The following DEFB1 variants were observed in gnomAD, a reference collection of about 807,000 sequenced individuals.
DEFB1 encodes the protein defensin beta 1.
In DEFB1, 4 loss-of-function variants were observed where a neutral mutation model predicts 2.6. The observed-to-expected ratio is 1.53, with a 90% CI of 0.76 to 3.51. The LOEUF (loss-of-function observed/expected upper bound fraction) is 3.51. Among genes scored for constraint, DEFB1 ranks in the 30% most tolerant of loss-of-function variants. The pLI is 0.01. For synonymous variants in DEFB1, 56 were observed against 28.5 expected (o/e 1.96, Z -3.07); for missense variants, 162 against 76.9 (o/e 2.11, Z -4.14).
chr8:6,873,198 A>G (rs1232100428), intron 1 of DEFB1, among the ~76,000 whole-genome samples: 1 of 152,232 alleles, frequency 6.6e-6, no homozygotes, highest in East Asian at 1.9e-4. Context: ...AACAAGGTCC[A>G]GTGATGTCCC....
At chr8:6,872,783 A>G (rs1212253964) in intron 1 of DEFB1, among the ~76,000 whole-genome samples, 2 of 152,160 alleles carry the variant, frequency 1.3e-5, no homozygotes, top group Non-Finnish European at 2.9e-5. Context: ...CTATGTTTTA[A>G]TAATCTCGCC....
chr8:6,874,664 A>G (rs5743462), intron 1 of DEFB1, among the ~76,000 whole-genome samples: 126,526 of 152,050 alleles, frequency 0.83, 52,952 homozygotes, highest in African/African-American at 0.92. Flanking sequence ...TCAGCAGAAC[A>G]GTGGGGAAAA....
At chr8:6,871,100 T>G (rs1184633687) in intron 1 of DEFB1, among the ~76,000 whole-genome samples, 2 of 152,222 alleles carry the variant, frequency 1.3e-5, no homozygotes, top group Non-Finnish European at 2.9e-5. Context: ...ATTTTAAATG[T>G]GCAGGGAATT....
At chr8:6,870,934 C>G (rs1433272062) in intron 1 of DEFB1, 108 bp from the exon 2 acceptor site, 11 of 1,254,684 alleles carry the variant, frequency 8.8e-6, no homozygotes, top group Non-Finnish European at 1.2e-5. Flanking sequence ...GGAGAGTCTT[C>G]TCTTCCAAGA....
chr8:6,877,315 C>T (rs1443641833), intron 1 of DEFB1, among the ~76,000 whole-genome samples: 4 of 152,226 alleles, frequency 2.6e-5, no homozygotes, highest in Non-Finnish European at 5.9e-5. Flanking sequence ...AGAGGACCGC[C>T]TGCCTGCACA....
At chr8:6,871,228 C>T (rs902782833) in intron 1 of DEFB1, among the ~76,000 whole-genome samples, 2 of 152,240 alleles carry the variant, frequency 1.3e-5, no homozygotes, top group Admixed American at 1.3e-4. Context: ...CACTTCCCTC[C>T]TTCCATGCCT....
chr8:6,870,855 A>T, intron 1 of DEFB1, 29 bp from the exon 2 acceptor site: 2 of 1,582,042 alleles, frequency 1.3e-6, no homozygotes, highest in Non-Finnish European at 1.7e-6. Context: ...AACACTTCAG[A>T]CTCATGGCTT....
chr8:6,870,608 T>C lies in DEFB1; in HGVS notation c.*73A>G. On this transcript the variant is annotated 3_prime_UTR_variant, in exon 2 of 2. Transcript: ENST00000297439. ...CAAAGGAGGTATACTTCAAAAGCAATTTTCCTTTATTAAAAGAATGCTTAT... is the reference window on the plus strand; with the variant it reads ...CAAAGGAGGTATACTTCAAAAGCAACTTTCCTTTATTAAAAGAATGCTTAT... 1 of 1,561,552 alleles carries C rather than the reference T, an allele frequency of 6.4e-7. No homozygotes were observed. Among genetic ancestry groups the C allele is most frequent in the Non-Finnish European group, 8.7e-7 (1 of 1,155,914 alleles).
chr8:6,873,932 A>G (rs1390676725), intron 1 of DEFB1, among the ~76,000 whole-genome samples: 2 of 152,216 alleles, frequency 1.3e-5, no homozygotes. Context: ...GGGCCTTTTA[A>G]AAGCACTTGC....
chr8:6,872,738 C>G (rs1475037445), intron 1 of DEFB1, among the ~76,000 whole-genome samples: 1 of 152,208 alleles, frequency 6.6e-6, no homozygotes, highest in Non-Finnish European at 1.5e-5. Context: ...TTCTTTTTCT[C>G]TGACTGATTC....
chr8:6,875,352 A>G (rs1171083323), intron 1 of DEFB1, among the ~76,000 whole-genome samples: 1 of 152,220 alleles, frequency 6.6e-6, no homozygotes, highest in African/African-American at 2.4e-5. Flanking sequence ...AAAGCAAGAG[A>G]AGATATTTGT....
At chr8:6,872,846 C>T (rs184068389) in intron 1 of DEFB1, among the ~76,000 whole-genome samples, 1 of 152,280 alleles carries the variant, frequency 6.6e-6, no homozygotes, top group East Asian at 1.9e-4. Flanking sequence ...CCAAAGTCTC[C>T]ACTTTCTGCT....
chr8:6,873,485 G>T (rs1324722279), intron 1 of DEFB1, among the ~76,000 whole-genome samples: 1 of 152,172 alleles, frequency 6.6e-6, no homozygotes, highest in Non-Finnish European at 1.5e-5. Context: ...TCTCTAGGCA[G>T]CAGCTTCTCA....
chr8:6,873,478 C>T (rs2978871), intron 1 of DEFB1, among the ~76,000 whole-genome samples: 1 of 152,142 alleles, frequency 6.6e-6, no homozygotes, highest in African/African-American at 2.4e-5. Context: ...CTCAACCTCT[C>T]TAGGCAGCAG....
At chr8:6,876,291 A>G (rs544614028) in intron 1 of DEFB1, among the ~76,000 whole-genome samples, 1 of 152,262 alleles carries the variant, frequency 6.6e-6, no homozygotes, top group Admixed American at 6.5e-5. Context: ...CATGACCAGC[A>G]TGGTGAAACC....
At chr8:6,875,110 C>CACACACA (rs1563397732) in intron 1 of DEFB1, among the ~76,000 whole-genome samples, 87 of 143,328 alleles carry the variant, frequency 6.1e-4, no homozygotes, top group African/African-American at 2.3e-3. Flanking sequence ...ACACACACAC[C>CACACACA]CCATTGCCAG....
At chr8:6,871,402 A>G (rs960314274) in intron 1 of DEFB1, among the ~76,000 whole-genome samples, 1 of 152,052 alleles carries the variant, frequency 6.6e-6, no homozygotes, top group African/African-American at 2.4e-5. Context: ...CCCTTCTCCC[A>G]GTATCCCAGA....
intron 1 of DEFB1, among the ~76,000 whole-genome samples, chr8:6,871,222 T>G (rs1287967401): frequency 6.6e-6 from 1 of 152,198 alleles, no homozygotes; most frequent in Admixed American, 6.5e-5. Context: ...AGCCTACACT[T>G]CCCTCCTTCC....
At chr8:6,871,544 T>G (rs1806315378) in intron 1 of DEFB1, among the ~76,000 whole-genome samples, 1 of 152,308 alleles carries the variant, frequency 6.6e-6, no homozygotes, top group South Asian at 2.1e-4. Flanking sequence ...CGTTTTGGAC[T>G]GAACTGAATC....
Sources: allele counts gnomAD v4.1 joint callset (sites outside exome capture counted in the v4.1 genomes callset), GRCh38; gene constraint gnomAD v4.1.1; transcripts MANE v1.5; gene names NCBI Gene and HGNC (gene_info 2026-07-23, HGNC 2026-07-21).